CTNNA3: variants seen among roughly 807,000 people sequenced by gnomAD.
CTNNA3 encodes the protein catenin alpha 3.
In CTNNA3, 76 loss-of-function variants were observed where a neutral mutation model predicts 95.7. That is an observed-to-expected ratio of 0.79 (90% CI 0.66 to 0.96). CTNNA3 has a LOEUF of 0.96. Among genes scored for constraint, CTNNA3 ranks in the 40% least tolerant of loss-of-function variants. CTNNA3 has a pLI of 0.00. For missense variants in CTNNA3, 1,191 were observed against 1,089.8 expected, an observed-to-expected ratio of 1.09 and a Z score of -1.31; for synonymous variants, 431 against 374.4, an observed-to-expected ratio of 1.15 and a Z score of -1.74.
chr10:67,702,940 G>GGATAT (rs1841052849), intron 1 of CTNNA3, among the ~76,000 whole-genome samples: 1 of 151,770 alleles, frequency 6.6e-6, no homozygotes, highest in South Asian at 2.1e-4. Context: ...ATGATAAAGG[G>GGATAT]GATATCACCA....
intron 7 of CTNNA3, among the ~76,000 whole-genome samples, chr10:66,813,196 T>C (rs1182161776): frequency 2.0e-5 from 3 of 152,198 alleles, no homozygotes; most frequent in Non-Finnish European, 4.4e-5. Flanking sequence ...TCATGTAATA[T>C]CTATGTTTTA....
intron 16 of CTNNA3, among the ~76,000 whole-genome samples, chr10:65,970,038 A>G (rs1330570522): frequency 6.6e-6 from 1 of 152,168 alleles, no homozygotes; most frequent in Non-Finnish European, 1.5e-5. Context: ...GTCAGAAGAC[A>G]CACAAAGGAA....
chr10:66,974,556 T>C (rs912519463), intron 7 of CTNNA3, among the ~76,000 whole-genome samples: 1 of 152,218 alleles, frequency 6.6e-6, no homozygotes, highest in Non-Finnish European at 1.5e-5. Context: ...TGTAAGTGAA[T>C]GCTTACCTTT....
rs573982531 is a variant in CTNNA3 at position 67,607,953 on chromosome 10, T to A, written c.100-904A>T. On this transcript the variant is annotated intron_variant, in intron 2 of 17. Transcript: ENST00000433211. ...GTTTACATTCTTAATATCGGCAGCATACAATAAACATATAAACAAATTTAA... is the reference window on the plus strand; with the variant it reads ...GTTTACATTCTTAATATCGGCAGCAAACAATAAACATATAAACAAATTTAA... 4.6e-5 allele frequency among the ~76,000 whole-genome samples: 7 copies of A among 152,328 alleles called. No homozygotes were observed. In the South Asian group the frequency reaches 1.4e-3, roughly 32 times the overall value.
At position 66,355,203 on chromosome 10, in the gene CTNNA3, A is replaced by G. The variant is rs117270152; in HGVS notation, c.1732+23949T>C. The stretch of plus-strand genomic sequence containing the variant: ...TACTGAGTATTAGTATGTGTAAGAA[A>G]CTTGCATTTAAAGGTACTCTGTGGC... On this transcript the variant is annotated intron_variant, in intron 12 of 17. Coordinates refer to ENST00000433211, the MANE Select transcript of CTNNA3 (RefSeq NM_013266.4). Among the ~76,000 whole-genome samples the G allele has an allele frequency of 6.8e-3, 1,029 of 152,204 alleles. 17 individuals carry two copies. Among genetic ancestry groups the G allele is most frequent in the Non-Finnish European group, 0.011 (739 of 67,970 alleles).
chr10:66,061,864 T>C (rs1016817083), intron 15 of CTNNA3, among the ~76,000 whole-genome samples: 2 of 152,160 alleles, frequency 1.3e-5, no homozygotes, highest in Non-Finnish European at 1.5e-5. Context: ...CCTAACAGAT[T>C]GAACATTTAA....
intron 5 of CTNNA3, among the ~76,000 whole-genome samples, chr10:67,339,221 C>T (rs2132608363): frequency 6.6e-6 from 1 of 152,210 alleles, no homozygotes; most frequent in Non-Finnish European, 1.5e-5. Context: ...AAAATCTTGT[C>T]CTTATTAAGA....
chr10:67,434,241 G>T (rs1846220949), intron 5 of CTNNA3, among the ~76,000 whole-genome samples: 1 of 151,934 alleles, frequency 6.6e-6, no homozygotes, highest in South Asian at 2.1e-4. Context: ...GTAGCCTTGG[G>T]TAAGTTACCT....
chr10:67,693,163 A>G (rs1291805995), intron 1 of CTNNA3, among the ~76,000 whole-genome samples: 1 of 152,234 alleles, frequency 6.6e-6, no homozygotes, highest in Admixed American at 6.5e-5. Context: ...GGCAAAAATA[A>G]TGTGGTTAAA....
intron 15 of CTNNA3, among the ~76,000 whole-genome samples, chr10:66,061,060 G>T (rs76701336): frequency 0.021 from 3,251 of 152,176 alleles, 114 homozygotes; most frequent in African/African-American, 0.072. Flanking sequence ...AGGAATGCTG[G>T]GTTGTTAGAA....
At chr10:67,417,110 A>C (rs1345353579) in intron 5 of CTNNA3, among the ~76,000 whole-genome samples, 1 of 152,320 alleles carries the variant, frequency 6.6e-6, no homozygotes, top group East Asian at 1.9e-4. Flanking sequence ...AATACTGTGT[A>C]GCCATAAAAA....
intron 12 of CTNNA3, among the ~76,000 whole-genome samples, chr10:66,291,292 C>T (rs1440507581): frequency 1.3e-5 from 2 of 152,142 alleles, no homozygotes; most frequent in Non-Finnish European, 1.5e-5. Flanking sequence ...TATTATAACA[C>T]AGTAGTTTTC....
At chr10:67,475,900 A>C (rs1416784575) in intron 5 of CTNNA3, among the ~76,000 whole-genome samples, 5 of 152,222 alleles carry the variant, frequency 3.3e-5, no homozygotes. Context: ...ATGACAAAAT[A>C]TTATGTTAGG....
intron 7 of CTNNA3, among the ~76,000 whole-genome samples, chr10:66,779,357 T>G (rs1840439882): frequency 6.6e-6 from 1 of 151,468 alleles, no homozygotes; most frequent in Non-Finnish European, 1.5e-5. Flanking sequence ...TTTCTTTCTT[T>G]TCTTTCTCTT....
chr10:67,730,330 T>A (rs1841267571), intron 1 of CTNNA3, among the ~76,000 whole-genome samples: 1 of 152,022 alleles, frequency 6.6e-6, no homozygotes. Context: ...ATTTTTTTTT[T>A]AAGAATGTTA....
intron 7 of CTNNA3, among the ~76,000 whole-genome samples, chr10:66,784,686 T>C (rs1295340610): frequency 6.6e-6 from 1 of 152,128 alleles, no homozygotes; most frequent in East Asian, 1.9e-4. Context: ...AAGATAATGA[T>C]TTTCAAAAGA....
intron 7 of CTNNA3, among the ~76,000 whole-genome samples, chr10:66,943,425 T>A (rs938621419): frequency 6.6e-6 from 1 of 152,058 alleles, no homozygotes; most frequent in African/African-American, 2.4e-5. Flanking sequence ...CTTTTTATGG[T>A]ATATCTTCAA....
chr10:67,163,773 A>C (rs1291822881), intron 7 of CTNNA3, among the ~76,000 whole-genome samples: 6 of 152,172 alleles, frequency 3.9e-5, no homozygotes, highest in East Asian at 1.9e-4. Flanking sequence ...CTGAACTACT[A>C]AGTGATTTCA....
At chr10:67,682,193 G>C (rs1840640098) in intron 1 of CTNNA3, among the ~76,000 whole-genome samples, 1 of 151,830 alleles carries the variant, frequency 6.6e-6, no homozygotes, top group South Asian at 2.1e-4. Context: ...CCAGCGTGGT[G>C]GTGGGCGCCT....
Sources: gnomAD v4.1 joint callset for allele counts (sites outside exome capture counted in the v4.1 genomes callset) on GRCh38, gnomAD v4.1.1 for gene constraint, MANE v1.5 for transcripts, NCBI Gene and HGNC (gene_info 2026-07-23, HGNC 2026-07-21) for gene names.